Variants in PLEKHA1 observed in about 807,000 individuals in gnomAD.
PLEKHA1 encodes pleckstrin homology domain containing A1, also known as pleckstrin homology domain-containing family A member 1.
Under a neutral mutation model 52.0 loss-of-function variants are expected in PLEKHA1, and 34 were observed. The observed-to-expected ratio is 0.65, with a 90% CI of 0.50 to 0.87. The LOEUF (loss-of-function observed/expected upper bound fraction) is 0.87. Ranked by LOEUF, PLEKHA1 falls within the 40% of genes least tolerant of loss-of-function variation. The pLI is 0.00. For synonymous variants in PLEKHA1, 163 were observed against 170.7 expected (o/e 0.95, Z 0.35); for missense variants, 497 against 504.2 (o/e 0.99, Z 0.14).
intron 8 of PLEKHA1, chr10:122,422,699 G>C (rs1338456367): frequency 4.6e-5 from 7 of 152,168 alleles, no homozygotes; most frequent in Non-Finnish European, 1.0e-4. Context: ...ATCAGAAAAT[G>C]GTTTTTGTGC....
At chr10:122,385,764 C>T (rs531952857) in intron 1 of PLEKHA1, among the ~76,000 whole-genome samples, 1 of 152,300 alleles carries the variant, frequency 6.6e-6, no homozygotes, top group East Asian at 1.9e-4. Context: ...TGGCTTCTTT[C>T]ACATACCAAA....
At chr10:122,412,008 A>G (rs2097112592) in intron 5 of PLEKHA1, 3 of 152,218 alleles carry the variant, frequency 2.0e-5, no homozygotes, top group African/African-American at 7.2e-5. Flanking sequence ...CACAGCCTTA[A>G]AAATGTATAA....
At chr10:122,400,448 A>C (rs2096912197) in intron 4 of PLEKHA1, 60 bp downstream of exon 4, 1 of 1,473,306 alleles carries the variant, frequency 6.8e-7, no homozygotes, top group Admixed American at 2.3e-5. Flanking sequence ...ATATTGTAAA[A>C]GAAAACTGTT....
Position 122,413,010 on chromosome 10 carries a change from A to G in PLEKHA1, c.433A>G (p.Ile145Val), listed in dbSNP as rs1247867484. 2.5e-6 allele frequency: 4 copies of G among 1,613,522 alleles called. No individual in the cohort carries two copies. The highest frequency in any genetic ancestry group is 3.4e-6 in the Non-Finnish European group (4 of 1,179,586). ...AAAGCAAGTGTCTTACAGAACTGAT[A>G]TTGTTGGTGGCGTACCCATCATTAC... is the stretch of plus-strand genomic sequence containing the variant. ...GKKQVSYRTD[I>V]VGGVPIITPT... The change falls in exon 6 of 12, where the codon ATT becomes GTT. Residue 145 changes from isoleucine (I) to valine (V), a missense_variant. Transcript: ENST00000368990.
At chr10:122,440,680 A>G in the PLEKHA1 span, 1 of 152,202 alleles carries the variant, frequency 6.6e-6, no homozygotes, top group Non-Finnish European at 1.5e-5. Flanking sequence ...GGCCTAGTAA[A>G]TAGCTTTTCT....
intron 5 of PLEKHA1, among the ~76,000 whole-genome samples, chr10:122,407,532 T>C (rs930921591): frequency 2.0e-5 from 3 of 152,202 alleles, no homozygotes; most frequent in African/African-American, 7.2e-5. Context: ...TACTGCTTCC[T>C]GAACAAGAAC....
At chr10:122,428,160 G>A in intron 11 of PLEKHA1, 1 of 990,514 alleles carries the variant, frequency 1.0e-6, no homozygotes. Context: ...TGTGTTTTGT[G>A]CTTTGTGGTG....
intron 1 of PLEKHA1, among the ~76,000 whole-genome samples, chr10:122,383,326 C>T (rs74695994): frequency 0.029 from 3,160 of 109,296 alleles, 23 homozygotes; most frequent in African/African-American, 0.048. Context: ...TTTTTTTTTT[C>T]TTTTTTTTTT....
chr10:122,409,653 A>AT (rs1394621058), intron 5 of PLEKHA1, among the ~76,000 whole-genome samples: 1 of 152,198 alleles, frequency 6.6e-6, no homozygotes, highest in Non-Finnish European at 1.5e-5. Flanking sequence ...AGTTTGATAT[A>AT]TTTTTAATAG....
At position 122,424,759 on chromosome 10, in the gene PLEKHA1, G is replaced by T. The variant is rs1018569244; in HGVS notation, c.747-137G>T. ...TAAAATCTTACATTAAAATAAATGG[G>T]AAAAGATAATTTGGGTTTGCTAAAT... On this transcript the variant is annotated intron_variant, in intron 9 of 11. Coordinates refer to ENST00000368990, the MANE Select transcript of PLEKHA1 (RefSeq NM_001001974.4). 9 of 526,688 alleles carry T rather than the reference G, an allele frequency of 1.7e-5. No homozygotes were observed. The African/African-American group carries it at 1.8e-4, about 10-fold the overall frequency. The allele number at this position is 526,688 out of a possible 1,614,324, so 32.6% of individuals were successfully genotyped here. A position where few individuals can be genotyped will look rare whatever the true frequency, so the allele number is the denominator to read the frequency against.
intron 8 of PLEKHA1, chr10:122,421,079 G>A (rs903587345): frequency 2.6e-5 from 4 of 152,130 alleles, no homozygotes; most frequent in Non-Finnish European, 5.9e-5. Flanking sequence ...ACTAAAATAG[G>A]TATTAAGTGT....
chr10:122,385,719 A>G (rs1342769304), intron 1 of PLEKHA1, among the ~76,000 whole-genome samples: 1 of 152,068 alleles, frequency 6.6e-6, no homozygotes, highest in Admixed American at 6.5e-5. Context: ...TTCCATCTCT[A>G]CTGATTTGTT....
chr10:122,400,471 A>C (rs1311533993), intron 4 of PLEKHA1, 83 bp downstream of exon 4: 2 of 1,255,874 alleles, frequency 1.6e-6, no homozygotes, highest in African/African-American at 3.1e-5. Flanking sequence ...AGAAAACCAC[A>C]CAAAACCTAG....
At chr10:122,442,253 T>C in the PLEKHA1 span, 1 of 152,162 alleles carries the variant, frequency 6.6e-6, no homozygotes, top group Non-Finnish European at 1.5e-5. Context: ...CGCTGTTAAC[T>C]GTACTAGAGT....
intron 4 of PLEKHA1, among the ~76,000 whole-genome samples, chr10:122,403,371 G>A (rs940745545): frequency 1.3e-5 from 2 of 152,054 alleles, no homozygotes; most frequent in Non-Finnish European, 2.9e-5. Flanking sequence ...ATCCAAAACC[G>A]TATATTCATA....
chr10:122,409,594 G>A (rs144334664), intron 5 of PLEKHA1, among the ~76,000 whole-genome samples: 7 of 151,990 alleles, frequency 4.6e-5, no homozygotes, highest in African/African-American at 1.2e-4. Context: ...ATAAATGTTC[G>A]ATTTGAATCT....
chr10:122,400,958 G>A lies in PLEKHA1; in HGVS notation c.244+570G>A, dbSNP rs565507597. 7.9e-5 allele frequency among the ~76,000 whole-genome samples: 12 copies of A among 152,324 alleles called. No individual in the cohort carries two copies. The South Asian group carries it at 2.5e-3, about 32-fold the overall frequency. ...GCAGTTGTCACAACCTGTAGATAAA[G>A]GGATATGCAGTCTATTAAAGCACAA... is the stretch of plus-strand genomic sequence containing the variant. On this transcript the variant is annotated intron_variant, in intron 4 of 11. Transcript: ENST00000368990.
At chr10:122,427,914 T>A (rs2097363588) in intron 11 of PLEKHA1, among the ~76,000 whole-genome samples, 1 of 152,238 alleles carries the variant, frequency 6.6e-6, no homozygotes, top group South Asian at 2.1e-4. Context: ...ATACCGCCTT[T>A]TATTAGTTTT....
intron 11 of PLEKHA1, among the ~76,000 whole-genome samples, chr10:122,427,381 T>C (rs1444536099): frequency 6.6e-6 from 1 of 152,210 alleles, no homozygotes. Context: ...TGTAAGACTT[T>C]TAGTTGTAGC....
Sources: gnomAD v4.1 joint callset for allele counts (sites outside exome capture counted in the v4.1 genomes callset) on GRCh38, gnomAD v4.1.1 for gene constraint, MANE v1.5 for transcripts, NCBI Gene and HGNC (gene_info 2026-07-23, HGNC 2026-07-21) for gene names.